The following MFSD12 variants were observed in gnomAD, a reference collection of about 807,000 sequenced individuals.
MFSD12 encodes major facilitator superfamily domain containing 12.
A neutral mutation model predicts 51.2 loss-of-function variants in MFSD12; 67 were observed. That is an observed-to-expected ratio of 1.31 (90% confidence interval 1.08 to 1.60). The LOEUF (loss-of-function observed/expected upper bound fraction) is 1.60. MFSD12 is among the 40% of genes most tolerant of loss of function. The pLI is 0.00. For missense variants in MFSD12, 921 were observed against 673.0 expected, an observed-to-expected ratio of 1.37 and a Z score of -4.08; for synonymous variants, 441 against 316.7, an observed-to-expected ratio of 1.39 and a Z score of -4.17.
Position 3,544,734 on chromosome 19 carries a change from T to A in MFSD12, c.1421-2A>T. ...GTCAGGGCCGGGCATCACGGTCCCC[T>A]GCAAGGGAGGGGTGGAAATGGCATT... On this transcript the variant is annotated splice_acceptor_variant, in intron 9 of 9. Transcript: ENST00000355415. LOFTEE classifies it high-confidence loss of function. 6.3e-7 allele frequency: 1 copy of A among 1,574,918 alleles called. No individual in the cohort carries two copies. Among genetic ancestry groups the A allele is most frequent in the Non-Finnish European group, 8.6e-7 (1 of 1,160,092 alleles).
At position 3,544,652 on chromosome 19, in the gene MFSD12, G is replaced by T. The variant is rs907646758; in HGVS notation, c.*58C>A. ...TGGGGGCTTTTCCCCAAGGCCCTGGGGGGCATCCTCGTGCGTCCCCACAGT... is the reference window on the plus strand; with the variant it reads ...TGGGGGCTTTTCCCCAAGGCCCTGGTGGGCATCCTCGTGCGTCCCCACAGT... On this transcript the variant is annotated 3_prime_UTR_variant, in exon 10 of 10. Coordinates refer to ENST00000355415, the MANE Select transcript of MFSD12 (RefSeq NM_174983.5). 125 of 1,547,096 alleles carry T rather than the reference G, an allele frequency of 8.1e-5. No homozygotes were observed. Among genetic ancestry groups the T allele is most frequent in the Non-Finnish European group, 1.1e-4 (122 of 1,142,062 alleles).
downstream of MFSD12, chr19:3,542,720 T>C: frequency 7.7e-7 from 1 of 1,300,066 alleles, no homozygotes; most frequent in Non-Finnish European, 1.0e-6. Context: ...TGACCTCAAG[T>C]GATCCACCTG....
At chr19:3,552,935 C>T (rs551206253) in intron 1 of MFSD12, among the ~76,000 whole-genome samples, 1 of 152,300 alleles carries the variant, frequency 6.6e-6, no homozygotes, top group South Asian at 2.1e-4. Flanking sequence ...GCACTCCTCT[C>T]CTCCCAGCCT....
At chr19:3,557,069 G>C in intron 1 of MFSD12, 37 bp downstream of exon 1, 3 of 1,422,304 alleles carry the variant, frequency 2.1e-6, no homozygotes, top group Non-Finnish European at 2.7e-6. Flanking sequence ...GAGTCTCGGA[G>C]GGGCTGCCCG....
chr19:3,550,880 G>C (rs1034661434), intron 2 of MFSD12, 104 bp downstream of exon 2: 20 of 920,990 alleles, frequency 2.2e-5, no homozygotes, highest in Non-Finnish European at 3.3e-5. Flanking sequence ...AGACTGCCTG[G>C]TCTCGAGCTG....
At position 3,547,560 on chromosome 19, in the gene MFSD12, C is replaced by G. The variant is rs773409288; in HGVS notation, c.838-13G>C. 2 of 1,600,824 alleles carry G rather than the reference C, an allele frequency of 1.2e-6. No individual in the cohort carries two copies. The highest frequency in any genetic ancestry group is 1.3e-5 in the African/African-American group (1 of 74,698). On this transcript the variant is annotated splice_polypyrimidine_tract_variant and intron_variant, in intron 4 of 9. Transcript: ENST00000355415. Reference sequence around the variant, plus strand: ...ACAGTATGCCCACCTGTGGGCAGACCGACAGAGGGACTGGCAGGGGTCAGG... The same window carrying G: ...ACAGTATGCCCACCTGTGGGCAGACGGACAGAGGGACTGGCAGGGGTCAGG...
chr19:3,550,737 C>T (rs935385833), intron 2 of MFSD12, among the ~76,000 whole-genome samples: 5 of 152,012 alleles, frequency 3.3e-5, no homozygotes, highest in Admixed American at 6.5e-5. Flanking sequence ...CCTGTAGTCC[C>T]AGCTACTCAG....
At chr19:3,547,783 A>G in intron 4 of MFSD12, 65 bp downstream of exon 4, 7 of 1,449,586 alleles carry the variant, frequency 4.8e-6, no homozygotes, top group Non-Finnish European at 5.5e-6. Context: ...CAGCTGCCCC[A>G]CAGAGCAAAG....
chr19:3,552,523 G>A (rs374918526), intron 1 of MFSD12, among the ~76,000 whole-genome samples: 1 of 144,922 alleles, frequency 6.9e-6, no homozygotes, highest in African/African-American at 2.6e-5. Context: ...TGCCCAGGCT[G>A]GAGTGCAGTG....
At chr19:3,542,796 G>C, downstream of MFSD12, 1 of 1,370,398 alleles carries the variant, frequency 7.3e-7, no homozygotes, top group Non-Finnish European at 9.8e-7. Flanking sequence ...GGGTCCCCCA[G>C]TCTTCCCTGG....
chr19:3,542,593 C>T (rs1013165008), downstream of MFSD12: 28 of 751,350 alleles, frequency 3.7e-5, no homozygotes, highest in Non-Finnish European at 4.5e-5. Context: ...CCTGCCTCAG[C>T]CTCCTGAGTA....
At chr19:3,552,831 G>C (rs1599839382) in intron 1 of MFSD12, among the ~76,000 whole-genome samples, 2 of 152,158 alleles carry the variant, frequency 1.3e-5, no homozygotes, top group African/African-American at 4.8e-5. Context: ...CCCTGACACA[G>C]CCTGTAAGCG....
chr19:3,544,100 G>GCAGA (rs2030721520), downstream of MFSD12: 1 of 1,433,174 alleles, frequency 7.0e-7, no homozygotes, highest in African/African-American at 1.4e-5. Context: ...CGGGACAGAG[G>GCAGA]CAGACACTGG....
intron 8 of MFSD12, among the ~76,000 whole-genome samples, 181 bp from the exon 9 acceptor site, chr19:3,545,120 C>G (rs917895646): frequency 6.6e-6 from 1 of 152,210 alleles, no homozygotes. Flanking sequence ...CCTGTGGGCC[C>G]TGCTTCCAGC....
At chr19:3,543,284 C>T, downstream of MFSD12, 1 of 1,548,188 alleles carries the variant, frequency 6.5e-7, no homozygotes, top group South Asian at 1.2e-5. Flanking sequence ...AGCCATCAGG[C>T]AGGCCACACG....
At chr19:3,547,611 G>A in intron 4 of MFSD12, 64 bp from the exon 5 acceptor site, 1 of 1,440,890 alleles carries the variant, frequency 6.9e-7, no homozygotes. Flanking sequence ...CCCACCAGCA[G>A]GGGGCACCGG....
chr19:3,547,794 G>C (rs2031195168), intron 4 of MFSD12, 54 bp downstream of exon 4: 1 of 1,455,504 alleles, frequency 6.9e-7, no homozygotes, highest in South Asian at 1.5e-5. Flanking sequence ...CAGAGCAAAG[G>C]CCCTGTGGGT....
intron 6 of MFSD12, among the ~76,000 whole-genome samples, chr19:3,546,792 C>A (rs983352541): frequency 2.0e-5 from 3 of 152,192 alleles, no homozygotes; most frequent in Non-Finnish European, 4.4e-5. Flanking sequence ...AAACTCGAGA[C>A]ACAGAGAAGC....
At chr19:3,552,805 T>C (rs1425273490) in intron 1 of MFSD12, among the ~76,000 whole-genome samples, 2 of 151,990 alleles carry the variant, frequency 1.3e-5, no homozygotes, top group Non-Finnish European at 2.9e-5. Context: ...ATCTTCTGAG[T>C]GAGTAACAAT....
Sources: allele counts gnomAD v4.1 joint callset (sites outside exome capture counted in the v4.1 genomes callset), GRCh38; gene constraint gnomAD v4.1.1; transcripts MANE v1.5; gene names NCBI Gene and HGNC (gene_info 2026-07-23, HGNC 2026-07-21).